Variants in IRF9 observed in about 807,000 individuals in gnomAD.
IRF9 encodes interferon regulatory factor 9.
A neutral mutation model predicts 44.1 loss-of-function variants in IRF9; 13 were observed. That is an observed-to-expected ratio of 0.29 (90% CI 0.19 to 0.47). The LOEUF (loss-of-function observed/expected upper bound fraction) is 0.47. Among genes scored for constraint, IRF9 ranks in the 20% least tolerant of loss-of-function variants. The pLI, the probability that IRF9 is intolerant of heterozygous loss-of-function variation, is 1.00. For synonymous variants in IRF9, 189 were observed against 188.5 expected (o/e 1.00, Z -0.02); for missense variants, 373 against 496.1 (o/e 0.75, Z 2.36).
At chr14:24,162,759 A>C (rs1594388930) in intron 2 of IRF9, 2 of 549,348 alleles carry the variant, frequency 3.6e-6, no homozygotes. Context: ...AGATCGCACC[A>C]CTGCACTCCA....
chr14:24,163,196 A>G, intron 3 of IRF9, 47 bp downstream of exon 3: 2 of 1,600,086 alleles, frequency 1.2e-6, no homozygotes, highest in Non-Finnish European at 1.7e-6. Flanking sequence ...CAGACTGGGG[A>G]GGAAGGATAG....
chr14:24,163,079 T>C lies in IRF9; in HGVS notation c.294T>C (p.Pro98=). ...LNKSSEFKEV[P]ERGRMDVAEP... Reference sequence around the variant, plus strand: ...AGAGTTCTGAATTTAAGGAGGTTCCTGAGAGGGGCCGCATGGATGTTGCTG... The same window carrying C: ...AGAGTTCTGAATTTAAGGAGGTTCCCGAGAGGGGCCGCATGGATGTTGCTG... The change falls in exon 3 of 9, where the codon CCT becomes CCC. Residue 98 remains proline (P), a synonymous_variant. Coordinates refer to ENST00000396864, the MANE Select transcript of IRF9 (RefSeq NM_006084.5). 6.2e-7 allele frequency: 1 copy of C among 1,614,224 alleles called. No homozygotes were observed.
Position 24,164,711 on chromosome 14 carries a change from C to T in IRF9, c.747C>T (p.Gly249=), listed in dbSNP as rs2038501413. Residue 249 remains glycine (G), a synonymous_variant, in exon 7 of 9, where the codon GGC becomes GGT. Coordinates refer to ENST00000396864, the MANE Select transcript of IRF9 (RefSeq NM_006084.5). This position sits in a 1 kb window ranked among gnomAD's most constrained non-coding sequence, Gnocchi z 5.2. ...GCCGCCTTGTGGCTGAGCCCTCAGG[C>T]TCTGAGAGCAGCATGGAGCAGGTGC... ...LDCRLVAEPS[G]SESSMEQVLF... The T allele has an allele frequency of 1.9e-6, 3 of 1,613,498 alleles. No individual in the cohort carries two copies. Among genetic ancestry groups the T allele is most frequent in the East Asian group, 2.2e-5 (1 of 44,888 alleles).
At position 24,164,408 on chromosome 14, in the gene IRF9, CCTT is replaced by C. The variant is rs2038497487; in HGVS notation, c.650-203_650-201del. The C allele has an allele frequency of 1.6e-6, 1 of 606,980 alleles. No individual in the cohort carries two copies. The highest frequency in any genetic ancestry group is 2.8e-5 in the East Asian group (1 of 35,634). 37.6% of individuals were successfully genotyped at this position (606,980 alleles called of 1,614,324 possible). On this transcript the variant is annotated intron_variant, in intron 6 of 8. Coordinates refer to ENST00000396864, the MANE Select transcript of IRF9 (RefSeq NM_006084.5). The surrounding 1 kb of genome is among the most constrained non-coding windows in gnomAD (Gnocchi z 5.2). ...CAAACAGAGGCCCAATCTCAAGGGA[CCTT>C]CTAGTAAACTACAAGCCCCTGGGCA...
chr14:24,162,934 ACT>A, intron 2 of IRF9, 30 bp from the exon 3 acceptor site: 1 of 1,593,764 alleles, frequency 6.3e-7, no homozygotes, highest in Non-Finnish European at 8.6e-7. Flanking sequence ...CCTGTAACAC[ACT>A]GCCTCTTCTT....
At chr14:24,163,607 C>A in intron 4 of IRF9, 99 bp downstream of exon 4, 1 of 1,407,962 alleles carries the variant, frequency 7.1e-7, no homozygotes, top group Non-Finnish European at 9.8e-7. Context: ...GAGGCCGAGG[C>A]TGGCAGATCA....
chr14:24,162,528 ACGGTGGCTCACGC>A (rs1194893464), intron 2 of IRF9: 1 of 552,836 alleles, frequency 1.8e-6, no homozygotes, highest in Non-Finnish European at 3.1e-6. Context: ...TTGGCCAGGC[ACGGTGGCTCACGC>A]CTGTAATCCC....
At chr14:24,163,542 G>A in intron 4 of IRF9, 34 bp downstream of exon 4, 2 of 1,604,396 alleles carry the variant, frequency 1.2e-6, no homozygotes, top group South Asian at 1.1e-5. Context: ...GTGGGCCTAA[G>A]GGCAGGACAG....
chr14:24,162,625 C>A (rs1448324405), intron 2 of IRF9: 4 of 417,018 alleles, frequency 9.6e-6, no homozygotes, highest in Non-Finnish European at 1.7e-5. Context: ...CATGGTGAAA[C>A]CCTGTCTCTA....
Position 24,164,768 on chromosome 14 carries a change from G to A in IRF9, c.804G>A (p.Thr268=), listed in dbSNP as rs536651764. 82 of 1,611,220 alleles carry A rather than the reference G, an allele frequency of 5.1e-5. No individual in the cohort carries two copies. Among genetic ancestry groups the A allele is most frequent in the Admixed American group, 8.3e-5 (5 of 60,014 alleles). Residue 268 remains threonine, a synonymous_variant, in exon 7 of 9, where the codon ACG becomes ACA. Coordinates refer to ENST00000396864, the MANE Select transcript of IRF9 (RefSeq NM_006084.5). The surrounding 1 kb of genome is among the most constrained non-coding windows in gnomAD (Gnocchi z 5.2). ...CCAAGCCTGGCCCACTGGAGCCCAC[G>A]CAGCGCCTGCTGAGCCAGCTTGAGA... is the stretch of plus-strand genomic sequence containing the variant. ...LFPKPGPLEP[T]QRLLSQLERG...
chr14:24,166,021 A>C lies in IRF9; in HGVS notation c.1107+59A>C. ...ATGAGAGCAGAGACAGTGGTGCTCCAGGAGGCAAAGGGGGTCTCCCAGTGG... is the reference window on the plus strand; with the variant it reads ...ATGAGAGCAGAGACAGTGGTGCTCCCGGAGGCAAAGGGGGTCTCCCAGTGG... On this transcript the variant is annotated intron_variant, in intron 8 of 8. Transcript: ENST00000396864. 1.9e-6 allele frequency: 3 copies of C among 1,579,636 alleles called. No individual in the cohort carries two copies. The African/African-American group carries it at 4.0e-5, about 21-fold the overall frequency.
chr14:24,164,617 A>G lies in IRF9; in HGVS notation c.653A>G (p.Tyr218Cys), dbSNP rs569115226. 5.0e-6 allele frequency: 8 copies of G among 1,592,670 alleles called. No individual in the cohort carries two copies. The highest frequency in any genetic ancestry group is 4.0e-5 in the African/African-American group (3 of 74,766). ...LEFLLPPEPD[Y>C]SLLLTFIYNG... Reference sequence around the variant, plus strand: ...GGTAGGGCTGTTCTATCCCCAGACTACTCACTGCTGCTCACCTTCATCTAC... The same window carrying G: ...GGTAGGGCTGTTCTATCCCCAGACTGCTCACTGCTGCTCACCTTCATCTAC... The change falls in exon 7 of 9, where the codon TAC becomes TGC. Residue 218 changes from tyrosine to cysteine, a missense_variant. Physicochemically the swap from Tyr to Cys is radical, Grantham distance 194. Coordinates refer to ENST00000396864, the MANE Select transcript of IRF9 (RefSeq NM_006084.5). This position sits in a 1 kb window ranked among gnomAD's most constrained non-coding sequence, Gnocchi z 5.2.
chr14:24,165,720 T>C, intron 7 of IRF9, 127 bp from the exon 8 acceptor site: 1 of 634,286 alleles, frequency 1.6e-6, no homozygotes, highest in Non-Finnish European at 2.8e-6. Flanking sequence ...ACTTCTGACC[T>C]TGCAGCTCCT....
chr14:24,165,216 A>AG, intron 7 of IRF9: 1 of 702,506 alleles, frequency 1.4e-6, no homozygotes, highest in South Asian at 1.5e-5. Flanking sequence ...CATATCTTGG[A>AG]GAACACCATC....
At position 24,164,092 on chromosome 14, in the gene IRF9, G is replaced by A. The variant is rs369645997; in HGVS notation, c.607G>A (p.Gly203Arg). ...VTDTTEAPFQGDQRSLEFLLP... is the reference protein window; with the variant it reads ...VTDTTEAPFQRDQRSLEFLLP... ...AGACACAACTGAGGCCCCCTTTCAA[G>A]GGGATCAGAGGTCCCTGGAGTTTCT... is the stretch of plus-strand genomic sequence containing the variant. The change falls in exon 6 of 9, where the codon GGG (glycine) becomes AGG (arginine). Residue 203 changes from glycine to arginine, a missense_variant. Physicochemically the swap from Gly to Arg is moderately radical, Grantham distance 125 (BLOSUM62 -2). Coordinates refer to ENST00000396864, the MANE Select transcript of IRF9 (RefSeq NM_006084.5). The surrounding 1 kb of genome is among the most constrained non-coding windows in gnomAD (Gnocchi z 5.2). 23 of 1,614,050 alleles carry A rather than the reference G, an allele frequency of 1.4e-5. No individual in the cohort carries two copies. Among genetic ancestry groups the A allele is most frequent in the Middle Eastern group, 3.3e-4 (2 of 6,084 alleles).
Position 24,162,249 on chromosome 14 carries a change from G to A in IRF9, c.105G>A (p.Lys35=), listed in dbSNP as rs201583543. 24 of 1,614,184 alleles carry A rather than the reference G, an allele frequency of 1.5e-5. No homozygotes were observed. In the Admixed American group the frequency reaches 1.8e-4, roughly 12 times the overall value. The change falls in exon 2 of 9, where the codon AAG becomes AAA. Residue 35 remains lysine, a synonymous_variant. Coordinates refer to ENST00000396864, the MANE Select transcript of IRF9 (RefSeq NM_006084.5). ...FPGVCWDDTA[K]TMFRIPWKHA... is the part of the protein sequence containing the mutation. ...GAGTGTGCTGGGATGATACAGCTAA[G>A]ACCATGTTCCGGATTCCCTGGAAAC...
chr14:24,165,724 A>C (rs1238258478), intron 7 of IRF9, 123 bp from the exon 8 acceptor site: 7 of 639,622 alleles, frequency 1.1e-5, no homozygotes, highest in Non-Finnish European at 1.6e-5. Context: ...CTGACCTTGC[A>C]GCTCCTGCTC....
intron 5 of IRF9, 26 bp downstream of exon 5, chr14:24,163,985 C>A: frequency 6.2e-7 from 1 of 1,609,124 alleles, no homozygotes. Context: ...CCTCTTGTGT[C>A]GTCCCCCATG....
rs141886259 is a variant in IRF9 at position 24,165,784 on chromosome 14, C to T, written c.992-63C>T. On this transcript the variant is annotated intron_variant, in intron 7 of 8. Coordinates refer to ENST00000396864, the MANE Select transcript of IRF9 (RefSeq NM_006084.5). ...TCCATCATGGGTTCCTCACTATTGC[C>T]TCCCTGCCTGTGGCCCTCTCTCTTC... The T allele has an allele frequency of 6.6e-4, 776 of 1,167,776 alleles. 1 individual carries two copies. The highest frequency in any genetic ancestry group is 9.6e-4 in the Admixed American group (50 of 52,168). 72.3% of individuals were successfully genotyped at this position (1,167,776 alleles called of 1,614,324 possible).
Sources: allele counts gnomAD v4.1 joint callset, GRCh38; gene constraint gnomAD v4.1.1; non-coding constraint Gnocchi (gnomAD v3.1); transcripts MANE v1.5; gene names NCBI Gene and HGNC (gene_info 2026-07-23, HGNC 2026-07-21).